PRMT8: variants seen among roughly 807,000 people sequenced by gnomAD.
PRMT8 encodes protein arginine N-methyltransferase 8.
In PRMT8, 7 loss-of-function variants were observed where a neutral mutation model predicts 47.1. The ratio of observed to expected loss-of-function variants is 0.15; its 90% CI spans 0.08 to 0.28. The LOEUF is 0.28. Among genes scored for constraint, PRMT8 ranks in the 10% least tolerant of loss-of-function variants. The pLI, the probability that PRMT8 is intolerant of heterozygous loss-of-function variation, is 1.00. For synonymous variants in PRMT8, 188 were observed against 186.5 expected, an observed-to-expected ratio of 1.01 and a Z score of -0.07; for missense variants, 237 against 505.4, an observed-to-expected ratio of 0.47 and a Z score of 5.09.
intron 1 of PRMT8, among the ~76,000 whole-genome samples, chr12:3,451,033 A>ACACCCCCC (rs1864911594): frequency 3.8e-5 from 1 of 26,124 alleles, no homozygotes; most frequent in African/African-American, 1.5e-4. Context: ...TCTTGCTGAC[A>ACACCCCCC]CCCCCCCCCC....
chr12:3,426,959 A>G (rs1343577308), intron 1 of PRMT8, among the ~76,000 whole-genome samples: 1 of 152,074 alleles, frequency 6.6e-6, no homozygotes, highest in South Asian at 2.1e-4. Flanking sequence ...GTGCTGGATT[A>G]CCAGAAATTC....
rs1054291472 is a variant in PRMT8, at chr12:3,522,077, A to G, written c.76-18529A>G. Among the ~76,000 whole-genome samples the G allele has an allele frequency of 2.0e-4, 30 of 152,314 alleles. No homozygotes were observed. The Middle Eastern group carries it at 0.01, about 52-fold the overall frequency. Reference sequence around the variant, plus strand: ...TATTACTAAACTAATCTTAGAAACTAAAATGCCTTTGACCAAATGTCTCCC... The same window carrying G: ...TATTACTAAACTAATCTTAGAAACTGAAATGCCTTTGACCAAATGTCTCCC... On this transcript the variant is annotated intron_variant, in intron 1 of 9. Transcript: ENST00000382622.
intron 1 of PRMT8, among the ~76,000 whole-genome samples, chr12:3,517,310 G>A (rs547232629): frequency 5.3e-5 from 8 of 152,134 alleles, no homozygotes; most frequent in East Asian, 1.9e-4. Flanking sequence ...CTGGTGGCCC[G>A]TACAGAGATC....
At chr12:3,435,127 C>A (rs1049079776) in intron 1 of PRMT8, among the ~76,000 whole-genome samples, 1 of 152,070 alleles carries the variant, frequency 6.6e-6, no homozygotes, top group Non-Finnish European at 1.5e-5. Context: ...CACCACCACA[C>A]CCGGCTAATT....
At chr12:3,560,632 A>C (rs1014408098) in intron 4 of PRMT8, among the ~76,000 whole-genome samples, 5 of 152,236 alleles carry the variant, frequency 3.3e-5, no homozygotes, top group Admixed American at 6.5e-5. Context: ...CAAAAAATGT[A>C]TAACCCGTTT....
intron 1 of PRMT8, among the ~76,000 whole-genome samples, chr12:3,416,445 C>T (rs1469726489): frequency 1.3e-5 from 2 of 152,182 alleles, no homozygotes; most frequent in African/African-American, 4.8e-5. Context: ...GTCTGGAAGG[C>T]AGGAATCAAT....
intron 1 of PRMT8, among the ~76,000 whole-genome samples, chr12:3,477,731 A>G: frequency 6.6e-6 from 1 of 152,184 alleles, no homozygotes. Context: ...CTCATTACAT[A>G]AAGTCCCCAC....
chr12:3,463,996 T>G (rs1001926661), intron 1 of PRMT8, among the ~76,000 whole-genome samples: 3 of 152,238 alleles, frequency 2.0e-5, no homozygotes, highest in Non-Finnish European at 2.9e-5. Flanking sequence ...CACTGTCTAC[T>G]GCTTTATGCA....
intron 1 of PRMT8, among the ~76,000 whole-genome samples, chr12:3,385,886 A>T (rs528621144): frequency 5.9e-4 from 89 of 149,888 alleles, no homozygotes; most frequent in Admixed American, 3.6e-3. Context: ...TTCATGACTG[A>T]CTCTCCGTTC....
At chr12:3,468,459 T>C (rs542421906) in intron 1 of PRMT8, among the ~76,000 whole-genome samples, 1 of 152,284 alleles carries the variant, frequency 6.6e-6, no homozygotes, top group East Asian at 1.9e-4. Flanking sequence ...ATGGGTCCCA[T>C]GGGATTGTGT....
chr12:3,567,695 A>G (rs1591606695), intron 4 of PRMT8, among the ~76,000 whole-genome samples: 1 of 152,330 alleles, frequency 6.6e-6, no homozygotes, highest in South Asian at 2.1e-4. Flanking sequence ...CACAGTTGAA[A>G]ATCCAAGCAT....
At chr12:3,423,337 G>A (rs567198367) in intron 1 of PRMT8, among the ~76,000 whole-genome samples, 1 of 152,284 alleles carries the variant, frequency 6.6e-6, no homozygotes, top group South Asian at 2.1e-4. Context: ...AATGGTCAAG[G>A]CTCTGCCGGT....
At chr12:3,527,457 T>G (rs1865964872) in intron 1 of PRMT8, among the ~76,000 whole-genome samples, 1 of 152,164 alleles carries the variant, frequency 6.6e-6, no homozygotes, top group African/African-American at 2.4e-5. Flanking sequence ...ATTTAAAACT[T>G]ATGAATTGCC....
intron 1 of PRMT8, among the ~76,000 whole-genome samples, chr12:3,534,969 C>T (rs1218197688): frequency 6.6e-6 from 1 of 152,248 alleles, no homozygotes; most frequent in Non-Finnish European, 1.5e-5. Context: ...GAGGATTTCA[C>T]GAGATGGTGT....
chr12:3,424,012 G>A (rs951264617), intron 1 of PRMT8, among the ~76,000 whole-genome samples: 1 of 152,114 alleles, frequency 6.6e-6, no homozygotes, highest in Non-Finnish European at 1.5e-5. Context: ...TCCCATTACA[G>A]GTTCTCCACA....
intron 1 of PRMT8, among the ~76,000 whole-genome samples, chr12:3,471,862 T>G (rs949219419): frequency 6.6e-6 from 1 of 151,924 alleles, no homozygotes; most frequent in African/African-American, 2.4e-5. Context: ...TTGCCAAAGA[T>G]GGGCTTTTTT....
At chr12:3,528,504 G>A (rs755366129) in intron 1 of PRMT8, among the ~76,000 whole-genome samples, 28 of 151,820 alleles carry the variant, frequency 1.8e-4, no homozygotes, top group Non-Finnish European at 2.8e-4. Context: ...AATTTCGGTC[G>A]TTTAAATATC....
intron 1 of PRMT8, among the ~76,000 whole-genome samples, chr12:3,418,859 G>A (rs1434326209): frequency 6.6e-6 from 1 of 152,292 alleles, no homozygotes; most frequent in South Asian, 2.1e-4. Context: ...GGGAACAGGT[G>A]TGCAGAAATG....
chr12:3,537,145 A>G (rs1387395698), intron 1 of PRMT8, among the ~76,000 whole-genome samples: 4 of 152,208 alleles, frequency 2.6e-5, no homozygotes, highest in African/African-American at 4.8e-5. Context: ...GTGTGAAAGG[A>G]CCTATCTCTC....
Sources: allele counts gnomAD v4.1 joint callset (sites outside exome capture counted in the v4.1 genomes callset), GRCh38; gene constraint gnomAD v4.1.1; transcripts MANE v1.5; gene names NCBI Gene and HGNC (gene_info 2026-07-23, HGNC 2026-07-21).